DYRK4: variants seen among roughly 807,000 people sequenced by gnomAD.
DYRK4 encodes dual specificity tyrosine phosphorylation regulated kinase 4.
A neutral mutation model predicts 68.3 loss-of-function variants in DYRK4; 64 were observed. The observed-to-expected ratio is 0.94, with a 90% confidence interval of 0.77 to 1.15. The LOEUF (loss-of-function observed/expected upper bound fraction) is 1.15, where lower values mean the gene tolerates loss of function less well. Ranked by LOEUF, DYRK4 falls within the 50% of genes most tolerant of loss-of-function variation. The pLI is 0.00. For missense variants in DYRK4, 740 were observed against 764.7 expected (o/e 0.97, Z 0.38); for synonymous variants, 274 against 289.9 (o/e 0.95, Z 0.56).
At chr12:4,579,267 C>T (rs890369835) in intron 2 of DYRK4, among the ~76,000 whole-genome samples, 6 of 151,218 alleles carry the variant, frequency 4.0e-5, no homozygotes, top group African/African-American at 1.5e-4. Flanking sequence ...AGCGAGATGC[C>T]GTCTCAAAAT....
Position 4,584,755 on chromosome 12 carries a change from T to C in DYRK4, c.133-4182T>C, listed in dbSNP as rs188677855. Reference sequence around the variant, plus strand: ...TGTTTTTAGTAGAGACGGGGTTTCATTATGTTAGCCAGGATGGTCTTGATC... The same window carrying C: ...TGTTTTTAGTAGAGACGGGGTTTCACTATGTTAGCCAGGATGGTCTTGATC... On this transcript the variant is annotated intron_variant, in intron 2 of 14. Transcript: ENST00000543431. 1.6e-3 allele frequency among the ~76,000 whole-genome samples: 242 copies of C among 151,828 alleles called. 1 individual carries two copies. Among genetic ancestry groups the C allele is most frequent in the African/African-American group, 5.5e-3 (227 of 41,404 alleles).
chr12:4,591,164 A>C lies in DYRK4; in HGVS notation c.329A>C (p.Asn110Thr). ...CAAACCTCTTTTCCTGGACAGGAGA[A>C]TCAAGCTCACAATCAGATGCCGGCC... ...LLKSSLLYQE[N>T]QAHNQMPASE... Residue 110 changes from asparagine (N) to threonine (T), a missense_variant, in exon 5 of 15, where the codon AAT becomes ACT. Physicochemically the swap from Asn to Thr is moderately conservative, Grantham distance 65 (BLOSUM62 0). Transcript: ENST00000543431. The surrounding 1 kb of genome is among the most constrained non-coding windows in gnomAD (Gnocchi z 4.1). 1 of 1,614,090 alleles carries C rather than the reference A, an allele frequency of 6.2e-7. No individual in the cohort carries two copies. The highest frequency in any genetic ancestry group is 8.5e-7 in the Non-Finnish European group (1 of 1,179,982).
In DYRK4 at chr12:4,613,364, A is replaced by G. The variant is rs1945250164; in HGVS notation, c.1667-151A>G. The G allele has an allele frequency of 3.1e-6, 3 of 979,056 alleles. No individual in the cohort carries two copies. Among genetic ancestry groups the G allele is most frequent in the South Asian group, 1.9e-5 (1 of 52,472 alleles). 60.6% of individuals were successfully genotyped at this position (979,056 alleles called of 1,614,324 possible). ...TAGTAAATGTACAGTGCTTAGAATA[A>G]TGCCCGGCACATTGGAGGTGCTTTA... is the stretch of plus-strand genomic sequence containing the variant. On this transcript the variant is annotated intron_variant, in intron 14 of 14. Transcript: ENST00000543431. The surrounding 1 kb of genome is among the most constrained non-coding windows in gnomAD (Gnocchi z 4.0).
chr12:4,569,835 A>C lies in DYRK4; in HGVS notation c.132+1787A>C, dbSNP rs533522175. Among the ~76,000 whole-genome samples, 21 of 152,230 alleles carry C rather than the reference A, an allele frequency of 1.4e-4. No homozygotes were observed. In the South Asian group the frequency reaches 4.4e-3, roughly 32 times the overall value. On this transcript the variant is annotated intron_variant, in intron 2 of 14. Transcript: ENST00000543431. ...ATAGCTCTGTTAAGGGTTGTTCCGTAAAGTTCCTTATACATTTTGATTAAT... is the reference window on the plus strand; with the variant it reads ...ATAGCTCTGTTAAGGGTTGTTCCGTCAAGTTCCTTATACATTTTGATTAAT...
At chr12:4,598,221 T>G (rs1454023824) in intron 8 of DYRK4, among the ~76,000 whole-genome samples, 2 of 152,082 alleles carry the variant, frequency 1.3e-5, no homozygotes, top group African/African-American at 4.8e-5. Flanking sequence ...AAAAAAACAT[T>G]AAGAATGAGT....
At chr12:4,612,951 G>A in intron 14 of DYRK4, 1 of 451,176 alleles carries the variant, frequency 2.2e-6, no homozygotes, top group Non-Finnish European at 3.9e-6. Context: ...TGACTAGCCT[G>A]CCATTTCTTA....
chr12:4,574,628 C>T (rs1220537281), intron 2 of DYRK4, among the ~76,000 whole-genome samples: 1 of 152,194 alleles, frequency 6.6e-6, no homozygotes, highest in Admixed American at 6.5e-5. Context: ...ACTTAACTAC[C>T]ATGTTTCATT....
chr12:4,604,971 C>T lies in DYRK4; in HGVS notation c.1184C>T (p.Pro395Leu). Residue 395 changes from proline to leucine, a missense_variant, in exon 11 of 15, where the codon CCC becomes CTC. Pro to Leu is a moderately conservative substitution (Grantham distance 98). Coordinates refer to ENST00000543431, the MANE Select transcript of DYRK4 (RefSeq NM_001394779.1). ...TCCCCAGAAGTGATCCTGGGCCACC[C>T]CTACGACGTGGCCATTGACATGTGG... ...YRSPEVILGH[P>L]YDVAIDMWSL... 1.9e-6 allele frequency: 3 copies of T among 1,613,966 alleles called. No homozygotes were observed. The highest frequency in any genetic ancestry group is 1.1e-5 in the South Asian group (1 of 91,060).
chr12:4,599,586 G>A (rs1945058338), intron 9 of DYRK4, 121 bp from the exon 10 acceptor site: 3 of 686,262 alleles, frequency 4.4e-6, no homozygotes, highest in African/African-American at 3.6e-5. Context: ...GAGGATGTGG[G>A]AGGATGCCCA....
intron 8 of DYRK4, 47 bp from the exon 9 acceptor site, chr12:4,598,981 A>G (rs1426878378): frequency 1.9e-6 from 3 of 1,607,468 alleles, no homozygotes; most frequent in African/African-American, 1.3e-5. Flanking sequence ...ACTCAGCCTT[A>G]TATGTTTTTT....
chr12:4,607,920 T>C (rs1015891124), intron 12 of DYRK4, among the ~76,000 whole-genome samples: 3 of 152,228 alleles, frequency 2.0e-5, no homozygotes, highest in Non-Finnish European at 4.4e-5. Context: ...CTGGTAGTTA[T>C]GTACGTGTCA....
intron 9 of DYRK4, 48 bp from the exon 10 acceptor site, chr12:4,599,659 C>T: frequency 6.8e-7 from 1 of 1,475,770 alleles, no homozygotes; most frequent in Non-Finnish European, 9.4e-7. Context: ...AGTAGAGGGC[C>T]TAGGGCCGCA....
Position 4,568,182 on chromosome 12 carries a change from C to A in DYRK4, c.132+134C>A, listed in dbSNP as rs150157410. On this transcript the variant is annotated intron_variant, in intron 2 of 14. Coordinates refer to ENST00000543431, the MANE Select transcript of DYRK4 (RefSeq NM_001394779.1). The stretch of plus-strand genomic sequence containing the variant: ...AAAGGCAAAGGTGTGGAGGATCATG[C>A]TGATTGGCAGGGCCAAATCTGGGTG... 1,016 of 830,016 alleles carry A rather than the reference C, an allele frequency of 1.2e-3. 9 individuals carry two copies. The African/African-American group carries it at 0.015, about 12-fold the overall frequency. The allele number at this position is 830,016 out of a possible 1,614,324, so 51.4% of individuals were successfully genotyped here. A position where few individuals can be genotyped will look rare whatever the true frequency, so the allele number is the denominator to read the frequency against.
intron 13 of DYRK4, among the ~76,000 whole-genome samples, chr12:4,611,083 A>G (rs1356432952): frequency 1.3e-5 from 2 of 152,194 alleles, no homozygotes; most frequent in South Asian, 2.1e-4. Context: ...CAGTCCTATA[A>G]TTTAGTATTT....
chr12:4,602,177 GA>G, intron 10 of DYRK4: 1 of 744,388 alleles, frequency 1.3e-6, no homozygotes, highest in Non-Finnish European at 2.4e-6. Flanking sequence ...TTATTTTTCA[GA>G]AAAGTTTTAC....
chr12:4,566,413 G>A (rs1206030781), intron 1 of DYRK4, among the ~76,000 whole-genome samples: 1 of 152,132 alleles, frequency 6.6e-6, no homozygotes, highest in Non-Finnish European at 1.5e-5. Flanking sequence ...TGTTCTTTGT[G>A]TGTCCTCCTC....
rs147371311 is a variant in DYRK4, at chr12:4,580,993, G to T, written c.133-7944G>T. ...AACAGTCCAGGTGAGGACATCCAGC[G>T]TTCGGTCCAAGGTAATAAGATGAGC... On this transcript the variant is annotated intron_variant, in intron 2 of 14. Transcript: ENST00000543431. 35 of 401,980 alleles carry T rather than the reference G, an allele frequency of 8.7e-5. No homozygotes were observed. In the Middle Eastern group the frequency reaches 2.6e-3, roughly 30 times the overall value. The allele number at this position is 401,980 out of a possible 1,614,324, so 24.9% of individuals were successfully genotyped here.
intron 2 of DYRK4, among the ~76,000 whole-genome samples, chr12:4,588,537 C>A (rs1944920479): frequency 6.6e-6 from 1 of 152,202 alleles, no homozygotes; most frequent in Non-Finnish European, 1.5e-5. Flanking sequence ...TCCACTATGC[C>A]ACCTTCAGAG....
intron 2 of DYRK4, among the ~76,000 whole-genome samples, chr12:4,575,256 A>G (rs1944775429): frequency 1.4e-5 from 2 of 142,086 alleles, no homozygotes; most frequent in Non-Finnish European, 3.1e-5. Context: ...ATTACCTGAT[A>G]TTGTGTGACT....
Sources: gnomAD v4.1 joint callset for allele counts (sites outside exome capture counted in the v4.1 genomes callset) on GRCh38, gnomAD v4.1.1 for gene constraint, Gnocchi (gnomAD v3.1) non-coding constraint, MANE v1.5 for transcripts, NCBI Gene and HGNC (gene_info 2026-07-23, HGNC 2026-07-21) for gene names.